Variants in GLOD4 observed in about 807,000 individuals in gnomAD.
The protein encoded by GLOD4 is glyoxalase domain-containing protein 4.
A neutral mutation model predicts 39.1 loss-of-function variants in GLOD4; 44 were observed. That is an observed-to-expected ratio of 1.13 (90% confidence interval 0.88 to 1.45). GLOD4 has a LOEUF of 1.45. GLOD4 is among the 40% of genes most tolerant of loss of function. The pLI is 0.00. For missense variants in GLOD4, 405 were observed against 366.4 expected (o/e 1.11, Z -0.86); for synonymous variants, 145 against 135.0 (o/e 1.07, Z -0.52).
At chr17:782,315 C>G (rs28364625), upstream of GLOD4, 44 of 1,610,802 alleles carry the variant, frequency 2.7e-5, no homozygotes, top group Non-Finnish European at 3.6e-5. Context: ...AAGGGCGCCA[C>G]GGGCCGTGAC....
At position 759,969 on chromosome 17, in the gene GLOD4, C is replaced by T. The variant is rs765205860; in HGVS notation, c.*204G>A. 5.4e-5 allele frequency: 31 copies of T among 576,164 alleles called. No homozygotes were observed. Among genetic ancestry groups the T allele is most frequent in the East Asian group, 8.5e-5 (3 of 35,110 alleles). The allele number at this position is 576,164 out of a possible 1,614,324, so 35.7% of individuals were successfully genotyped here. A position where few individuals can be genotyped will look rare whatever the true frequency, so the allele number is the denominator to read the frequency against. Reference sequence around the variant, plus strand: ...CAGCAACAGTGTAGATTACAGCAGGCGTTCTCTACCTGGACTCATGATTGG... The same window carrying T: ...CAGCAACAGTGTAGATTACAGCAGGTGTTCTCTACCTGGACTCATGATTGG... On this transcript the variant is annotated 3_prime_UTR_variant, in exon 9 of 9. Transcript: ENST00000301329.
chr17:766,235 T>C (rs958330512), intron 8 of GLOD4, among the ~76,000 whole-genome samples: 4 of 150,572 alleles, frequency 2.7e-5, no homozygotes, highest in African/African-American at 9.8e-5. Context: ...GAGGCGGAGG[T>C]TGCAGTGAGC....
At chr17:762,706 A>G (rs1042051565) in intron 8 of GLOD4, among the ~76,000 whole-genome samples, 2 of 149,436 alleles carry the variant, frequency 1.3e-5, no homozygotes, top group African/African-American at 5.0e-5. Context: ...GCCTGCACCT[A>G]CTCAGTGCGT....
intron 4 of GLOD4, among the ~76,000 whole-genome samples, chr17:775,044 TG>T (rs1908655496): frequency 6.8e-6 from 1 of 147,064 alleles, no homozygotes; most frequent in South Asian, 2.1e-4. Flanking sequence ...CACTCTAGCC[TG>T]GGCGACAGAG....
At chr17:772,199 A>AAC (rs1567792694) in intron 4 of GLOD4, among the ~76,000 whole-genome samples, 1 of 151,074 alleles carries the variant, frequency 6.6e-6, no homozygotes, top group East Asian at 1.9e-4. Context: ...AAAAAAAAAA[A>AAC]AAAAAAAAAA....
chr17:778,127 G>A (rs1352043663), intron 2 of GLOD4, among the ~76,000 whole-genome samples: 2 of 152,116 alleles, frequency 1.3e-5, no homozygotes, highest in South Asian at 2.1e-4. Flanking sequence ...TTTCTGACTC[G>A]TACTCTTTAT....
chr17:783,347 A>T (rs1173264358), upstream of GLOD4: 35 of 1,444,798 alleles, frequency 2.4e-5, no homozygotes, highest in East Asian at 4.5e-4. Flanking sequence ...TACCCAGTGT[A>T]TCTTTTTTTT....
chr17:778,832 A>T (rs759520298), intron 1 of GLOD4, 88 bp from the exon 2 acceptor site: 1 of 710,784 alleles, frequency 1.4e-6, no homozygotes, highest in African/African-American at 1.8e-5. Flanking sequence ...AAACACAAAC[A>T]TTATCATTTA....
At position 770,348 on chromosome 17, in the gene GLOD4, G is replaced by A. The variant is rs1200224320; in HGVS notation, c.630+73C>T. On this transcript the variant is annotated intron_variant, in intron 6 of 8. Coordinates refer to ENST00000301329, the MANE Select transcript of GLOD4 (RefSeq NM_016080.4). ...CCACAATCAAAAAGGACCTCAAGAA[G>A]GGAAGGACAAAGTTCTTAGCTGGGT... The A allele has an allele frequency of 5.9e-6, 5 of 845,464 alleles. No homozygotes were observed. The African/African-American group carries it at 6.6e-5, about 11-fold the overall frequency. The allele number at this position is 845,464 out of a possible 1,614,324, so 52.4% of individuals were successfully genotyped here.
chr17:785,565 G>A (rs1372967578), upstream of GLOD4, among the ~76,000 whole-genome samples: 3 of 152,200 alleles, frequency 2.0e-5, no homozygotes, highest in Admixed American at 1.3e-4. Flanking sequence ...TCGCCAGTAA[G>A]TGGCTGTACC....
intron 1 of GLOD4, 49 bp downstream of exon 1, chr17:782,117 G>T: frequency 1.4e-6 from 2 of 1,422,828 alleles, no homozygotes; most frequent in Non-Finnish European, 1.9e-6. Context: ...GCCGGCTCGG[G>T]CGCCGGTTCC....
rs968932830 is a variant in GLOD4, at chr17:779,229, C to A, written c.91-485G>T. Among the ~76,000 whole-genome samples, 9 of 136,860 alleles carry A rather than the reference C, an allele frequency of 6.6e-5. No homozygotes were observed. The South Asian group carries it at 1.9e-3, about 29-fold the overall frequency. The allele number at this position is 136,860 out of a possible 152,430, so 89.8% of individuals were successfully genotyped here. On this transcript the variant is annotated intron_variant, in intron 1 of 8. Coordinates refer to ENST00000301329, the MANE Select transcript of GLOD4 (RefSeq NM_016080.4). ...ACTCAGGAGGTTGAGGCAGGAGAAT[C>A]ACTTGGACCATGAGATGGAGGTTGC...
In GLOD4 at chr17:759,995, A is replaced by T. The variant is rs1648091519; in HGVS notation, c.*178T>A. On this transcript the variant is annotated 3_prime_UTR_variant, in exon 9 of 9. Transcript: ENST00000301329. ...GTTCTCTACCTGGACTCATGATTGGATTTCATTTCTAAATTACATCAGAGC... is the reference window on the plus strand; with the variant it reads ...GTTCTCTACCTGGACTCATGATTGGTTTTCATTTCTAAATTACATCAGAGC... 3.3e-6 allele frequency: 2 copies of T among 598,374 alleles called. No homozygotes were observed. Among genetic ancestry groups the T allele is most frequent in the Non-Finnish European group, 6.0e-6 (2 of 334,882 alleles). 37.1% of individuals were successfully genotyped at this position (598,374 alleles called of 1,614,324 possible).
intron 2 of GLOD4, 24 bp downstream of exon 2, chr17:778,671 A>AT: frequency 7.2e-7 from 1 of 1,398,498 alleles, no homozygotes; most frequent in Non-Finnish European, 1.0e-6. Context: ...CCTAAAGGAG[A>AT]TTTTAAGAAA....
chr17:771,121 C>A, intron 5 of GLOD4: 1 of 404,982 alleles, frequency 2.5e-6, no homozygotes, highest in East Asian at 4.4e-5. Context: ...GAGATATATC[C>A]CCAAATATAA....
intron 8 of GLOD4, 131 bp from the exon 9 acceptor site, chr17:760,369 C>A: frequency 1.7e-6 from 1 of 602,140 alleles, no homozygotes; most frequent in Non-Finnish European, 3.0e-6. Context: ...ACCCCCGCTC[C>A]AAAAAAAAGA....
chr17:771,973 G>A lies in GLOD4; in HGVS notation c.407-512C>T, dbSNP rs11655116. On this transcript the variant is annotated intron_variant, in intron 4 of 8. Coordinates refer to ENST00000301329, the MANE Select transcript of GLOD4 (RefSeq NM_016080.4). ...GGTTGCAGTGAGCCGAGATGGCGCC[G>A]TTGCACTCTAGCCTGGGAGACAAGA... Among the ~76,000 whole-genome samples the A allele has an allele frequency of 6.8e-3, 970 of 142,200 alleles. 10 individuals carry two copies. The highest frequency in any genetic ancestry group is 0.01 in the East Asian group (51 of 4,892). The allele number at this position is 142,200 out of a possible 152,430, so 93.3% of individuals were successfully genotyped here. A position where few individuals can be genotyped will look rare whatever the true frequency, so the allele number is the denominator to read the frequency against.
In GLOD4 at chr17:775,810, T is replaced by A. The variant is rs139627395; in HGVS notation, c.371A>T (p.Lys124Met). ...VFETEAPGGY[K>M]FYLQNRSLPQ... ...CAGACTGCGATTCTGCAAATAGAACTTATATCCTCCCGGGGCCTCGGTTTC... is the reference window on the plus strand; with the variant it reads ...CAGACTGCGATTCTGCAAATAGAACATATATCCTCCCGGGGCCTCGGTTTC... The change falls in exon 4 of 9, where the codon AAG (lysine) becomes ATG (methionine). Residue 124 changes from lysine to methionine, a missense_variant. By Grantham distance (95) the Lys-to-Met change is moderately conservative. Transcript: ENST00000301329. The A allele has an allele frequency of 6.2e-7, 1 of 1,613,916 alleles. No individual in the cohort carries two copies. Among genetic ancestry groups the A allele is most frequent in the Non-Finnish European group, 8.5e-7 (1 of 1,179,920 alleles).
chr17:775,731 A>C (rs755109464), intron 4 of GLOD4, 44 bp downstream of exon 4: 5 of 1,543,396 alleles, frequency 3.2e-6, no homozygotes, highest in African/African-American at 1.4e-5. Context: ...CTTTCACCAA[A>C]GATGCCTTTA....
Sources: gnomAD v4.1 joint callset for allele counts (sites outside exome capture counted in the v4.1 genomes callset) on GRCh38, gnomAD v4.1.1 for gene constraint, MANE v1.5 for transcripts, NCBI Gene and HGNC (gene_info 2026-07-23, HGNC 2026-07-21) for gene names.